The following TGM7 variants were observed in gnomAD, a reference collection of about 807,000 sequenced individuals.
The protein encoded by TGM7 is transglutaminase 7.
In TGM7, 74 loss-of-function variants were observed where a neutral mutation model predicts 79.5. The ratio of observed to expected loss-of-function variants is 0.93; its 90% CI spans 0.77 to 1.13. TGM7 has a LOEUF of 1.13. TGM7 is among the 50% of genes most tolerant of loss of function. The pLI, the probability that TGM7 is intolerant of heterozygous loss-of-function variation, is 0.00. For synonymous variants in TGM7, 354 were observed against 362.5 expected (o/e 0.98, Z 0.27); for missense variants, 912 against 905.9 (o/e 1.01, Z -0.09).
rs565930605 is a variant in TGM7 at position 43,284,987 on chromosome 15, T to G, written c.866-35A>C. 6.8e-5 allele frequency: 109 copies of G among 1,610,278 alleles called. 1 individual carries two copies. In the South Asian group the frequency reaches 1.2e-3, roughly 18 times the overall value. On this transcript the variant is annotated intron_variant, in intron 6 of 12. Coordinates refer to ENST00000452443, the MANE Select transcript of TGM7 (RefSeq NM_052955.3). ...AAAATATAGAGAATCGCTGAGTTCATTTCAGGCAGAATTATTGGTTTTCCA... is the reference window on the plus strand; with the variant it reads ...AAAATATAGAGAATCGCTGAGTTCAGTTCAGGCAGAATTATTGGTTTTCCA...
chr15:43,278,645 G>A (rs932785930), intron 11 of TGM7, among the ~76,000 whole-genome samples: 2 of 152,176 alleles, frequency 1.3e-5, no homozygotes, highest in Non-Finnish European at 2.9e-5. Flanking sequence ...GTAGAGGCAA[G>A]GTCTCGCTAT....
In TGM7 at chr15:43,276,326, C is replaced by G. The variant is rs530119217; in HGVS notation, c.*129G>C. On this transcript the variant is annotated 3_prime_UTR_variant, in exon 13 of 13. Transcript: ENST00000452443. ...TCTCTTCCCAAAGCACACGGTGTTT[C>G]TAACAGAGCTTCATTCATTCCCAGG... The G allele has an allele frequency of 8.9e-7, 1 of 1,119,790 alleles. No individual in the cohort carries two copies. The highest frequency in any genetic ancestry group is 1.6e-5 in the African/African-American group (1 of 64,056). 69.4% of individuals were successfully genotyped at this position (1,119,790 alleles called of 1,614,324 possible).
chr15:43,293,612 C>T lies in TGM7; in HGVS notation c.30G>A (p.Glu10=). 2 of 1,606,972 alleles carry T rather than the reference C, an allele frequency of 1.2e-6. No individual in the cohort carries two copies. Among genetic ancestry groups the T allele is most frequent in the African/African-American group, 2.7e-5 (2 of 74,132 alleles). MDQVATLRL[E]SVDLQSSRNN... ...TCCTGGAGCTCTGCAGGTCGACAGA[C>T]TCAAGCCGCAAGGTTGCCACTAGGG... The change falls in exon 2 of 13, where the codon GAG becomes GAA. Residue 10 remains glutamate (E), a synonymous_variant. Transcript: ENST00000452443.
chr15:43,283,382 C>T lies in TGM7; in HGVS notation c.1005-762G>A, dbSNP rs114033226. ...TGTGATCACACACTGCATTCAGCTACGCAGAATGTTGTCTCCTTTGATCTT... is the reference window on the plus strand; with the variant it reads ...TGTGATCACACACTGCATTCAGCTATGCAGAATGTTGTCTCCTTTGATCTT... On this transcript the variant is annotated intron_variant, in intron 7 of 12. Transcript: ENST00000452443. Among the ~76,000 whole-genome samples, 1,423 of 152,322 alleles carry T rather than the reference C, an allele frequency of 9.3e-3. 29 individuals carry two copies. The highest frequency in any genetic ancestry group is 0.033 in the African/African-American group (1,358 of 41,572).
intron 1 of TGM7, among the ~76,000 whole-genome samples, chr15:43,301,404 T>G (rs939601852): frequency 3.3e-5 from 5 of 150,522 alleles, no homozygotes; most frequent in Admixed American, 1.3e-4. Context: ...CCAAGGTGGG[T>G]GGGTCACCTG....
rs750521522 is a variant in TGM7, at chr15:43,284,857, G to A, written c.961C>T (p.Arg321Ter). 6 of 1,614,106 alleles carry A rather than the reference G, an allele frequency of 3.7e-6. No individual in the cohort carries two copies. Among genetic ancestry groups the A allele is most frequent in the Non-Finnish European group, 5.1e-6 (6 of 1,180,024 alleles). Residue 321 changes from arginine to a stop codon, truncating the protein, a stop_gained, in exon 7 of 13, where the codon CGA (arginine) becomes TGA (stop). Transcript: ENST00000452443. LOFTEE classifies it high-confidence loss of function. ...TGAGTTGACAGCATCTCGGCATTTC[G>A]GTCATAGTACGTATCGATGGTCAAG... Reference protein sequence around the residue: ...RNLTIDTYYDRNAEMLSTQKR... With the variant: ...RNLTIDTYYD
chr15:43,285,082 CT>C, intron 6 of TGM7, 130 bp from the exon 7 acceptor site: 1 of 975,022 alleles, frequency 1.0e-6, no homozygotes, highest in Non-Finnish European at 1.5e-6. Flanking sequence ...CCAGTAACTC[CT>C]TTATTCCCAG....
At position 43,279,657 on chromosome 15, in the gene TGM7, T is replaced by A. The variant is rs1297231759; in HGVS notation, c.1646A>T (p.His549Leu). Residue 549 changes from histidine to leucine, a missense_variant, in exon 10 of 13, where the codon CAC becomes CTC. Physicochemically the swap from His to Leu is moderately conservative, Grantham distance 99. Coordinates refer to ENST00000452443, the MANE Select transcript of TGM7 (RefSeq NM_052955.3). ...GGGTQKPFWR[H>L]TVRMNLDFGK... is the part of the protein sequence containing the mutation. ...AAAGTCCAGGTTCATCCGCACTGTGTGCCTCCAGAAGGGCTTCTGGGTACC... is the reference window on the plus strand; with the variant it reads ...AAAGTCCAGGTTCATCCGCACTGTGAGCCTCCAGAAGGGCTTCTGGGTACC... 12 of 1,609,020 alleles carry A rather than the reference T, an allele frequency of 7.5e-6. No homozygotes were observed. The highest frequency in any genetic ancestry group is 1.3e-5 in the African/African-American group (1 of 74,834).
chr15:43,277,775 G>A (rs751316174), intron 11 of TGM7, among the ~76,000 whole-genome samples: 4 of 152,176 alleles, frequency 2.6e-5, no homozygotes, highest in Non-Finnish European at 5.9e-5. Flanking sequence ...ATCGTACTAG[G>A]GGCTTGTTCT....
At position 43,276,931 on chromosome 15, in the gene TGM7, AT is replaced by A; in HGVS notation, c.1903del (p.Met635TrpfsTer4). On this transcript the variant is annotated frameshift_variant, in exon 12 of 13. Transcript: ENST00000452443. LOFTEE classifies it high-confidence loss of function. ...CATCGTGCAGCTGCTCAGAGCCACCATTAAGGTGTTGGTGAGGGTGACATGG... is the reference window on the plus strand; with the variant it reads ...CATCGTGCAGCTGCTCAGAGCCACCATAAGGTGTTGGTGAGGGTGACATGG... The part of the protein sequence containing the change: ...RVHVTLTNTL[M>X]VALSSCTMVL... 6.2e-7 allele frequency: 1 copy of A among 1,614,124 alleles called. No individual in the cohort carries two copies. Among genetic ancestry groups the A allele is most frequent in the Middle Eastern group, 1.7e-4 (1 of 6,058 alleles).
At chr15:43,281,212 G>A (rs1317626930) in intron 9 of TGM7, among the ~76,000 whole-genome samples, 1 of 152,222 alleles carries the variant, frequency 6.6e-6, no homozygotes, top group Non-Finnish European at 1.5e-5. Flanking sequence ...ATGAGGAAAT[G>A]GAGGCACAGG....
chr15:43,278,429 G>A (rs534599290), intron 11 of TGM7, among the ~76,000 whole-genome samples: 47 of 152,254 alleles, frequency 3.1e-4, no homozygotes, highest in Middle Eastern at 3.4e-3. Flanking sequence ...ATTTGTTTCC[G>A]TCTTTGTCAC....
chr15:43,283,494 A>C (rs2042919946), intron 7 of TGM7, among the ~76,000 whole-genome samples: 2 of 147,338 alleles, frequency 1.4e-5, no homozygotes, highest in African/African-American at 5.4e-5. Flanking sequence ...TTTTTTGTAA[A>C]TGTAAGGGGT....
chr15:43,295,060 C>T (rs1267576738), intron 1 of TGM7, among the ~76,000 whole-genome samples: 2 of 152,188 alleles, frequency 1.3e-5, no homozygotes, highest in Non-Finnish European at 2.9e-5. Flanking sequence ...GGCTACCATG[C>T]CCTACAGTAT....
chr15:43,294,120 T>G (rs2142418756), intron 1 of TGM7, among the ~76,000 whole-genome samples: 1 of 152,308 alleles, frequency 6.6e-6, no homozygotes, highest in East Asian at 1.9e-4. Context: ...TTTATCCTAC[T>G]GATATAAGAA....
chr15:43,284,180 C>T (rs2042923355), intron 7 of TGM7, among the ~76,000 whole-genome samples: 1 of 152,090 alleles, frequency 6.6e-6, no homozygotes, highest in Non-Finnish European at 1.5e-5. Flanking sequence ...GCCTGGGCAA[C>T]AGAGCGAGAC....
intron 6 of TGM7, 150 bp downstream of exon 6, chr15:43,287,130 C>T (rs1226893399): frequency 6.0e-6 from 5 of 833,554 alleles, no homozygotes; most frequent in South Asian, 3.4e-5. Flanking sequence ...CAGGATCCCT[C>T]GAGACTGTAT....
rs1249217130 is a variant in TGM7 at position 43,279,670 on chromosome 15, G to T, written c.1633C>A (p.Pro545Thr). The T allele has an allele frequency of 1.2e-6, 2 of 1,612,034 alleles. No individual in the cohort carries two copies. Among genetic ancestry groups the T allele is most frequent in the Non-Finnish European group, 1.7e-6 (2 of 1,178,904 alleles). ...ATCCGCACTGTGTGCCTCCAGAAGG[G>T]CTTCTGGGTACCACCCCCATGCAGC... is the stretch of plus-strand genomic sequence containing the variant. ...ALLHGGGTQK[P>T]FWRHTVRMNL... Residue 545 changes from proline (P) to threonine (T), a missense_variant, in exon 10 of 13, where the codon CCC becomes ACC. Transcript: ENST00000452443.
chr15:43,279,073 T>C (rs1163946501), intron 11 of TGM7, 44 bp downstream of exon 11: 1 of 1,579,222 alleles, frequency 6.3e-7, no homozygotes, highest in Admixed American at 1.8e-5. Context: ...CTGGATTGGG[T>C]GAGTCAGAGA....
Sources: gnomAD v4.1 joint callset for allele counts (sites outside exome capture counted in the v4.1 genomes callset) on GRCh38, gnomAD v4.1.1 for gene constraint, MANE v1.5 for transcripts, NCBI Gene and HGNC (gene_info 2026-07-23, HGNC 2026-07-21) for gene names.